Variants in RCAN2 observed in about 807,000 individuals in gnomAD.
RCAN2 encodes regulator of calcineurin 2, also known as calcipressin-2.
A neutral mutation model predicts 23.6 loss-of-function variants in RCAN2; 9 were observed. The observed-to-expected ratio is 0.38, with a 90% CI of 0.23 to 0.67. The LOEUF is 0.67. RCAN2 is among the 30% of genes least tolerant of loss of function. The probability of loss-of-function intolerance (pLI) is 0.51; values close to 1 mark genes in which losing one functional copy is unlikely to be tolerated. For synonymous variants in RCAN2, 109 were observed against 115.7 expected (o/e 0.94, Z 0.37); for missense variants, 273 against 302.3 (o/e 0.90, Z 0.72).
intron 2 of RCAN2, among the ~76,000 whole-genome samples, chr6:46,316,651 G>C (rs763124037): frequency 3.3e-5 from 5 of 152,180 alleles, no homozygotes; most frequent in Non-Finnish European, 7.3e-5. Context: ...ACCATAGAAG[G>C]CATTCAATGT....
chr6:46,243,671 G>A (rs1766394076), intron 4 of RCAN2, among the ~76,000 whole-genome samples: 1 of 151,930 alleles, frequency 6.6e-6, no homozygotes, highest in Non-Finnish European at 1.5e-5. Flanking sequence ...TTAGCCAGGT[G>A]TGGTGGCATG....
At chr6:46,481,962 AT>A (rs1768872285) in intron 1 of RCAN2, among the ~76,000 whole-genome samples, 1 of 151,534 alleles carries the variant, frequency 6.6e-6, no homozygotes, top group South Asian at 2.1e-4. Context: ...CTGCATGTAA[AT>A]ATCTCAATAG....
chr6:46,280,125 C>T (rs958841497), intron 2 of RCAN2, among the ~76,000 whole-genome samples: 2 of 152,058 alleles, frequency 1.3e-5, no homozygotes. Flanking sequence ...GCTTGAAATA[C>T]CAAGGACAAT....
intron 4 of RCAN2, among the ~76,000 whole-genome samples, chr6:46,240,215 A>G (rs1261322520): frequency 6.6e-6 from 1 of 152,182 alleles, no homozygotes; most frequent in African/African-American, 2.4e-5. Flanking sequence ...ACACATACCT[A>G]TAAGAAAAAA....
chr6:46,259,257 G>A (rs4143825), intron 2 of RCAN2, among the ~76,000 whole-genome samples: 117,792 of 152,074 alleles, frequency 0.77, 45,919 homozygotes, highest in Non-Finnish European at 0.81. Context: ...TTTTAAGAAT[G>A]AGAACAAAAA....
At chr6:46,477,482 C>G (rs1022500865) in intron 1 of RCAN2, among the ~76,000 whole-genome samples, 2 of 152,138 alleles carry the variant, frequency 1.3e-5, no homozygotes, top group African/African-American at 4.8e-5. Flanking sequence ...CTTTGGCAAG[C>G]TATTTAACTT....
intron 2 of RCAN2, among the ~76,000 whole-genome samples, chr6:46,379,448 T>C (rs913652152): frequency 6.6e-6 from 1 of 152,180 alleles, no homozygotes; most frequent in Admixed American, 6.5e-5. Context: ...CAAAATTATA[T>C]GCTCCAGATA....
At chr6:46,310,633 C>G (rs1200534480) in intron 2 of RCAN2, among the ~76,000 whole-genome samples, 2 of 152,038 alleles carry the variant, frequency 1.3e-5, no homozygotes, top group African/African-American at 2.4e-5. Flanking sequence ...CTCCATAGTA[C>G]TGGCAAATAA....
chr6:46,327,911 C>T (rs1763846336), intron 2 of RCAN2, among the ~76,000 whole-genome samples: 2 of 152,152 alleles, frequency 1.3e-5, no homozygotes, highest in African/African-American at 4.8e-5. Flanking sequence ...CTCATGAAAA[C>T]GTTATGCCAT....
Position 46,261,033 on chromosome 6 carries a change from A to C in RCAN2, c.226-12137T>G, listed in dbSNP as rs1425406446. On this transcript the variant is annotated intron_variant, in intron 2 of 4. Coordinates refer to ENST00000371374, the MANE Select transcript of RCAN2 (RefSeq NM_001251974.2). ...GCTGCCTTGGCTCAGGGCATTTCCT[A>C]AAAGCTGACAGCTTCAACCTTCTCT... Among the ~76,000 whole-genome samples, 6 of 152,196 alleles carry C rather than the reference A, an allele frequency of 3.9e-5. No individual in the cohort carries two copies. In the South Asian group the frequency reaches 1.2e-3, roughly 31 times the overall value.
intron 1 of RCAN2, among the ~76,000 whole-genome samples, chr6:46,460,981 C>G (rs1312229310): frequency 6.6e-6 from 1 of 152,128 alleles, no homozygotes; most frequent in East Asian, 1.9e-4. Flanking sequence ...GCAAGACTCA[C>G]AGGATTCCTC....
intron 2 of RCAN2, among the ~76,000 whole-genome samples, chr6:46,382,969 T>C (rs1160302598): frequency 1.3e-5 from 2 of 152,214 alleles, no homozygotes; most frequent in Non-Finnish European, 2.9e-5. Context: ...GAACCTATTA[T>C]ACACAATATT....
chr6:46,368,712 G>A (rs916443355), intron 2 of RCAN2, among the ~76,000 whole-genome samples: 3 of 152,124 alleles, frequency 2.0e-5, no homozygotes, highest in Non-Finnish European at 4.4e-5. Flanking sequence ...AATAAAAAGT[G>A]GTGCACCTGT....
chr6:46,471,269 T>C (rs1768552333), intron 1 of RCAN2, among the ~76,000 whole-genome samples: 1 of 152,206 alleles, frequency 6.6e-6, no homozygotes. Flanking sequence ...ATAATTTATC[T>C]GGCTGTTATC....
intron 2 of RCAN2, among the ~76,000 whole-genome samples, chr6:46,283,608 C>G (rs1007649779): frequency 6.6e-6 from 1 of 152,146 alleles, no homozygotes; most frequent in Non-Finnish European, 1.5e-5. Flanking sequence ...ATCTGTGCAG[C>G]CTTGCTCAAG....
intron 2 of RCAN2, among the ~76,000 whole-genome samples, chr6:46,367,147 G>A (rs1765200526): frequency 6.7e-6 from 1 of 149,200 alleles, no homozygotes; most frequent in East Asian, 2.0e-4. Context: ...GGGTGTCCCA[G>A]TTGGAGAGAA....
At position 46,222,955 on chromosome 6, in the gene RCAN2, T is replaced by TG; in HGVS notation, c.*185dup. 1.6e-6 allele frequency: 1 copy of TG among 619,068 alleles called. No individual in the cohort carries two copies. Among genetic ancestry groups the TG allele is most frequent in the Non-Finnish European group, 2.9e-6 (1 of 348,270 alleles). The allele number at this position is 619,068 out of a possible 1,614,324, so 38.3% of individuals were successfully genotyped here. ...CTTCTAAATAATGGGTTATACTTAA[T>TG]GGGTATGATATGATCAGGAGACATA... On this transcript the variant is annotated 3_prime_UTR_variant, in exon 5 of 5. Transcript: ENST00000371374.
At chr6:46,485,730 TTC>T (rs1157369138) in intron 1 of RCAN2, among the ~76,000 whole-genome samples, 2 of 152,252 alleles carry the variant, frequency 1.3e-5, no homozygotes, top group East Asian at 3.9e-4. Flanking sequence ...ACTTTCACCC[TTC>T]TCTGTTTATA....
chr6:46,339,050 G>A (rs1049320289), intron 2 of RCAN2, among the ~76,000 whole-genome samples: 7 of 131,230 alleles, frequency 5.3e-5, no homozygotes, highest in African/African-American at 1.8e-4. Flanking sequence ...GAATTAAAGG[G>A]GGTTTCTTCA....
Sources: allele counts gnomAD v4.1 joint callset (sites outside exome capture counted in the v4.1 genomes callset), GRCh38; gene constraint gnomAD v4.1.1; transcripts MANE v1.5; gene names NCBI Gene and HGNC (gene_info 2026-07-23, HGNC 2026-07-21).